ZFAT: variants seen among roughly 807,000 people sequenced by gnomAD.
ZFAT encodes the protein zinc finger protein ZFAT.
In ZFAT, 64 loss-of-function variants were observed where a neutral mutation model predicts 117.7. The ratio of observed to expected loss-of-function variants is 0.54; its 90% CI spans 0.44 to 0.67. ZFAT has a LOEUF of 0.67. ZFAT is among the 30% of genes least tolerant of loss of function. The pLI is 0.00. For missense variants in ZFAT, 1,433 were observed against 1,584.5 expected, an observed-to-expected ratio of 0.90 and a Z score of 1.62; for synonymous variants, 679 against 615.0, an observed-to-expected ratio of 1.10 and a Z score of -1.54.
At chr8:134,661,752 C>G (rs1404195515) in intron 1 of ZFAT, among the ~76,000 whole-genome samples, 2 of 152,192 alleles carry the variant, frequency 1.3e-5, no homozygotes, top group East Asian at 3.9e-4. Context: ...TGGCCAACAA[C>G]AGAGACAGGG....
the ZFAT span, among the ~76,000 whole-genome samples, chr8:134,777,485 C>T: frequency 6.6e-6 from 1 of 152,128 alleles, no homozygotes; most frequent in South Asian, 2.1e-4. Flanking sequence ...GGGAACATTG[C>T]CTAACCTCTT....
intron 13 of ZFAT, among the ~76,000 whole-genome samples, chr8:134,516,249 C>A (rs1820244564): frequency 6.6e-6 from 1 of 152,130 alleles, no homozygotes; most frequent in African/African-American, 2.4e-5. Flanking sequence ...TCACTGGATA[C>A]AAATACAAAA....
At chr8:134,611,781 G>A (rs538212724) in intron 3 of ZFAT, among the ~76,000 whole-genome samples, 3 of 152,346 alleles carry the variant, frequency 2.0e-5, no homozygotes, top group South Asian at 4.1e-4. Flanking sequence ...GCCTCTGGAA[G>A]GCCATGGAGA....
intron 3 of ZFAT, among the ~76,000 whole-genome samples, chr8:134,628,093 T>C (rs767510427): frequency 5.9e-5 from 9 of 152,056 alleles, no homozygotes; most frequent in Admixed American, 1.3e-4. Context: ...GAAATAAAGC[T>C]GTGACTTGAA....
chr8:134,806,410 T>C, the ZFAT span, among the ~76,000 whole-genome samples: 293 of 152,332 alleles, frequency 1.9e-3, 2 homozygotes, highest in African/African-American at 5.6e-3. Flanking sequence ...TGAAGAAAAA[T>C]ACTTTTTTAA....
At chr8:134,647,938 T>G (rs1294125653) in intron 2 of ZFAT, among the ~76,000 whole-genome samples, 1 of 152,110 alleles carries the variant, frequency 6.6e-6, no homozygotes, top group African/African-American at 2.4e-5. Flanking sequence ...AACCTATAGA[T>G]TCAATGCATC....
At chr8:134,493,956 G>C (rs1332695885) in intron 15 of ZFAT, among the ~76,000 whole-genome samples, 2 of 152,236 alleles carry the variant, frequency 1.3e-5, no homozygotes, top group African/African-American at 4.8e-5. Flanking sequence ...AAGGGAAGGA[G>C]GCAGGCAGAG....
chr8:134,653,252 CA>C (rs1831370352), intron 2 of ZFAT, among the ~76,000 whole-genome samples: 1 of 102,062 alleles, frequency 9.8e-6, no homozygotes, highest in Admixed American at 1.2e-4. Flanking sequence ...GACTTGGAAC[CA>C]ACCCAAATGT....
rs1819659002 is a variant in ZFAT, at chr8:134,509,603, G to A, written c.3492+16C>T. 1.2e-6 allele frequency: 2 copies of A among 1,613,040 alleles called. No individual in the cohort carries two copies. Among genetic ancestry groups the A allele is most frequent in the East Asian group, 2.2e-5 (1 of 44,866 alleles). On this transcript the variant is annotated intron_variant, in intron 15 of 15. Coordinates refer to ENST00000377838, the MANE Select transcript of ZFAT (RefSeq NM_020863.4). Reference sequence around the variant, plus strand: ...AGACACACAGAGATGAATAGTTACAGAAGGAGGGTCCCTACCTGCTTAACC... The same window carrying A: ...AGACACACAGAGATGAATAGTTACAAAAGGAGGGTCCCTACCTGCTTAACC...
chr8:134,814,446 T>G, the ZFAT span, among the ~76,000 whole-genome samples: 1 of 152,216 alleles, frequency 6.6e-6, no homozygotes, highest in Non-Finnish European at 1.5e-5. Context: ...CATGCTGTCA[T>G]CATGGTGACT....
rs1420171795 is a variant in ZFAT at position 134,584,133 on chromosome 8, T to C, written c.2714-128A>G. On this transcript the variant is annotated intron_variant, in intron 9 of 15. Transcript: ENST00000377838. ...ATATGTATATATAAAACATCCGTTTTGAACACAGCAGTATACTTGCTTGGC... is the reference window on the plus strand; with the variant it reads ...ATATGTATATATAAAACATCCGTTTCGAACACAGCAGTATACTTGCTTGGC... 4.7e-6 allele frequency: 5 copies of C among 1,065,058 alleles called. No individual in the cohort carries two copies. The East Asian group carries it at 1.3e-4, about 28-fold the overall frequency. The allele number at this position is 1,065,058 out of a possible 1,614,324, so 66.0% of individuals were successfully genotyped here.
At chr8:134,615,364 T>C (rs1171584476) in intron 3 of ZFAT, among the ~76,000 whole-genome samples, 1 of 152,166 alleles carries the variant, frequency 6.6e-6, no homozygotes, top group Non-Finnish European at 1.5e-5. Flanking sequence ...TTTTTGTATT[T>C]TTTTAGTAGA....
At chr8:134,732,612 C>T in the ZFAT span, among the ~76,000 whole-genome samples, 1 of 152,226 alleles carries the variant, frequency 6.6e-6, no homozygotes, top group Non-Finnish European at 1.5e-5. Context: ...TGAAGTTCTA[C>T]TTTTGAATGT....
At chr8:134,483,497 ACT>A (rs1436406981) in intron 15 of ZFAT, among the ~76,000 whole-genome samples, 1 of 151,874 alleles carries the variant, frequency 6.6e-6, no homozygotes, top group Non-Finnish European at 1.5e-5. Flanking sequence ...ACTCTCAACC[ACT>A]CTCTTTGTTC....
intron 12 of ZFAT, among the ~76,000 whole-genome samples, chr8:134,529,543 A>G (rs891734236): frequency 2.0e-5 from 3 of 152,196 alleles, no homozygotes; most frequent in Non-Finnish European, 4.4e-5. Context: ...CAGGAGTATA[A>G]TATTTACATA....
the ZFAT span, among the ~76,000 whole-genome samples, chr8:134,805,999 A>G: frequency 6.6e-6 from 1 of 152,108 alleles, no homozygotes; most frequent in Non-Finnish European, 1.5e-5. Flanking sequence ...AATAAAAATA[A>G]AATAAAATAT....
chr8:134,805,715 A>T, the ZFAT span, among the ~76,000 whole-genome samples: 5 of 152,202 alleles, frequency 3.3e-5, no homozygotes, highest in Non-Finnish European at 5.9e-5. Flanking sequence ...GCTCATGTCT[A>T]TAATCACAGC....
chr8:134,488,212 G>A (rs1010075512), intron 15 of ZFAT, among the ~76,000 whole-genome samples: 2 of 152,210 alleles, frequency 1.3e-5, no homozygotes, highest in Admixed American at 6.5e-5. Flanking sequence ...CCCCCATGCT[G>A]GGCATTCGGC....
the ZFAT span, among the ~76,000 whole-genome samples, chr8:134,824,360 TA>T: frequency 5.3e-5 from 8 of 152,166 alleles, no homozygotes; most frequent in South Asian, 4.1e-4. Context: ...GTAATAACAA[TA>T]AAAAAATAGC....
Sources: allele counts gnomAD v4.1 joint callset (sites outside exome capture counted in the v4.1 genomes callset), GRCh38; gene constraint gnomAD v4.1.1; transcripts MANE v1.5; gene names NCBI Gene and HGNC (gene_info 2026-07-23, HGNC 2026-07-21).